The following ZNF766 variants were observed in gnomAD, a reference collection of about 807,000 sequenced individuals.
The protein encoded by ZNF766 is zinc finger protein 766.
Under a neutral mutation model 13.2 loss-of-function variants are expected in ZNF766, and 13 were observed. The ratio of observed to expected loss-of-function variants is 0.98; its 90% CI spans 0.64 to 1.56. The LOEUF is 1.56. ZNF766 is among the 40% of genes most tolerant of loss of function. The pLI, the probability that ZNF766 is intolerant of heterozygous loss-of-function variation, is 0.00. For synonymous variants in ZNF766, 178 were observed against 187.6 expected, an observed-to-expected ratio of 0.95 and a Z score of 0.42; for missense variants, 521 against 552.2, an observed-to-expected ratio of 0.94 and a Z score of 0.57.
Position 52,292,067 on chromosome 19 carries a change from A to T in ZNF766, c.*869A>T. 1.4e-6 allele frequency: 1 copy of T among 690,408 alleles called. No homozygotes were observed. Among genetic ancestry groups the T allele is most frequent in the Non-Finnish European group, 2.6e-6 (1 of 379,618 alleles). The allele number at this position is 690,408 out of a possible 1,614,324, so 42.8% of individuals were successfully genotyped here. A position where few individuals can be genotyped will look rare whatever the true frequency, so the allele number is the denominator to read the frequency against. On this transcript the variant is annotated 3_prime_UTR_variant, in exon 4 of 4. Transcript: ENST00000439461. ...ACTCCAGCTTGGGTGACAGAGCGAGACCCTGTCTCAAAAGAAAAAAAAGGC... is the reference window on the plus strand; with the variant it reads ...ACTCCAGCTTGGGTGACAGAGCGAGTCCCTGTCTCAAAAGAAAAAAAAGGC...
At chr19:52,272,421 C>T (rs898044338) in intron 1 of ZNF766, among the ~76,000 whole-genome samples, 1 of 152,110 alleles carries the variant, frequency 6.6e-6, no homozygotes, top group African/African-American at 2.4e-5. Flanking sequence ...TCTCCTGAAG[C>T]TGTCTTCTCT....
chr19:52,290,838 C>T lies in ZNF766; in HGVS notation c.1047C>T (p.His349=), dbSNP rs1461484462. 1.9e-6 allele frequency: 3 copies of T among 1,614,026 alleles called. No individual in the cohort carries two copies. The highest frequency in any genetic ancestry group is 2.5e-6 in the Non-Finnish European group (3 of 1,179,958). The stretch of plus-strand genomic sequence containing the variant: ...GCCTCACCACCCATCTGTTAATCCA[C>T]ACTGGAGAGAAACCTTACAAATGTA... ...HSSLTTHLLI[H]TGEKPYKCKE... The change falls in exon 4 of 4, where the codon CAC becomes CAT. Residue 349 remains histidine (H), a synonymous_variant. Coordinates refer to ENST00000439461, the MANE Select transcript of ZNF766 (RefSeq NM_001010851.3).
rs1982308532 is a variant in ZNF766 at position 52,295,488 on chromosome 19, T to G, written c.*4290T>G. On this transcript the variant is annotated 3_prime_UTR_variant, in exon 4 of 4. Coordinates refer to ENST00000439461, the MANE Select transcript of ZNF766 (RefSeq NM_001010851.3). ...GCATGAGCCACCATGCCCGGCCAGA[T>G]GCTATGCTTAATACATTTTTTCCGA... 6.6e-6 allele frequency: 1 copy of G among 152,270 alleles called. No homozygotes were observed. Among genetic ancestry groups the G allele is most frequent in the East Asian group, 1.9e-4 (1 of 5,202 alleles). 9.4% of individuals were successfully genotyped at this position (152,270 alleles called of 1,614,324 possible).
chr19:52,291,146 C>G lies in ZNF766; in HGVS notation c.1355C>G (p.Ser452Ter). Residue 452 changes from serine (S) to a stop codon, truncating the protein, a stop_gained, in exon 4 of 4, where the codon TCA (serine) becomes TGA (stop). Coordinates refer to ENST00000439461, the MANE Select transcript of ZNF766 (RefSeq NM_001010851.3). LOFTEE classifies it low-confidence loss of function (END_TRUNC). ...TGTGGTAAGGTCTTTAGGCACAGTTCATGGTTTGTACAGCATCAGAGAAGT... is the reference window on the plus strand; with the variant it reads ...TGTGGTAAGGTCTTTAGGCACAGTTGATGGTTTGTACAGCATCAGAGAAGT... ...HVCGKVFRHS[S>*]WFVQHQRSVH... The G allele has an allele frequency of 1.9e-6, 3 of 1,610,914 alleles. No individual in the cohort carries two copies. The highest frequency in any genetic ancestry group is 2.5e-6 in the Non-Finnish European group (3 of 1,178,230).
rs1982269839 is a variant in ZNF766, at chr19:52,294,436, A to G, written c.*3238A>G. 6.6e-6 allele frequency: 1 copy of G among 152,194 alleles called. No individual in the cohort carries two copies. The highest frequency in any genetic ancestry group is 2.1e-4 in the South Asian group (1 of 4,832). The allele number at this position is 152,194 out of a possible 1,614,324, so 9.4% of individuals were successfully genotyped here. ...TGATGCCATTCACTAATGTGATCTC[A>G]AAATGTTTACTCCATAATGAGGCTT... On this transcript the variant is annotated 3_prime_UTR_variant, in exon 4 of 4. Transcript: ENST00000439461.
At position 52,290,641 on chromosome 19, in the gene ZNF766, A is replaced by G. The variant is rs1982088687; in HGVS notation, c.850A>G (p.Thr284Ala). The G allele has an allele frequency of 1.2e-6, 2 of 1,613,894 alleles. No individual in the cohort carries two copies. The highest frequency in any genetic ancestry group is 2.2e-5 in the East Asian group (1 of 44,866). ...NECGKVFSRI[T>A]YLVRHQKIHT... The stretch of plus-strand genomic sequence containing the variant: ...GTGTGGCAAGGTCTTCAGTCGAATT[A>G]CATACCTTGTACGACATCAGAAAAT... The change falls in exon 4 of 4, where the codon ACA (threonine) becomes GCA (alanine). Residue 284 changes from threonine (T) to alanine (A), a missense_variant. By Grantham distance (58) the Thr-to-Ala change is moderately conservative. Coordinates refer to ENST00000439461, the MANE Select transcript of ZNF766 (RefSeq NM_001010851.3).
chr19:52,283,191 A>G (rs1427258393), intron 2 of ZNF766, 94 bp from the exon 3 acceptor site: 1 of 1,468,416 alleles, frequency 6.8e-7, no homozygotes, highest in Non-Finnish European at 9.1e-7. Context: ...CTGGCTTTAA[A>G]GGATTAATTT....
chr19:52,291,996 C>T lies in ZNF766; in HGVS notation c.*798C>T, dbSNP rs558707581. ...CCGAGGCAAGAGGATTGCTCAAGCC[C>T]AGGAGTTTGAGAGTTTGAGCAGTGA... On this transcript the variant is annotated 3_prime_UTR_variant, in exon 4 of 4. Coordinates refer to ENST00000439461, the MANE Select transcript of ZNF766 (RefSeq NM_001010851.3). The T allele has an allele frequency of 1.7e-6, 1 of 590,668 alleles. No individual in the cohort carries two copies. Among genetic ancestry groups the T allele is most frequent in the East Asian group, 2.8e-5 (1 of 35,198 alleles). The allele number at this position is 590,668 out of a possible 1,614,324, so 36.6% of individuals were successfully genotyped here. A position where few individuals can be genotyped will look rare whatever the true frequency, so the allele number is the denominator to read the frequency against.
chr19:52,291,201 T>C lies in ZNF766; in HGVS notation c.*3T>C. 2 of 1,551,512 alleles carry C rather than the reference T, an allele frequency of 1.3e-6. No individual in the cohort carries two copies. The highest frequency in any genetic ancestry group is 1.7e-6 in the Non-Finnish European group (2 of 1,151,604). ...ATGAGAGAGTCCTTACAAACTGAGT[T>C]TGGCAAACTCTATCATAAGTTCTAG... On this transcript the variant is annotated 3_prime_UTR_variant, in exon 4 of 4. Coordinates refer to ENST00000439461, the MANE Select transcript of ZNF766 (RefSeq NM_001010851.3).
intron 1 of ZNF766, among the ~76,000 whole-genome samples, chr19:52,276,371 T>C (rs1981201415): frequency 6.6e-6 from 1 of 152,230 alleles, no homozygotes; most frequent in Non-Finnish European, 1.5e-5. Context: ...TGCTATTTTA[T>C]ATTGGTATAT....
intron 1 of ZNF766, among the ~76,000 whole-genome samples, chr19:52,278,606 G>A (rs1981332145): frequency 6.6e-6 from 1 of 152,014 alleles, no homozygotes; most frequent in African/African-American, 2.4e-5. Flanking sequence ...GCTTCACCAT[G>A]GTGGCCAGGC....
At chr19:52,276,177 C>G (rs761185978) in intron 1 of ZNF766, among the ~76,000 whole-genome samples, 2 of 152,110 alleles carry the variant, frequency 1.3e-5, no homozygotes, top group African/African-American at 4.8e-5. Flanking sequence ...TCTGAAAATG[C>G]GTTTCTCAGA....
chr19:52,289,993 T>TC (rs1170659075), intron 3 of ZNF766, 73 bp from the exon 4 acceptor site: 17 of 1,494,018 alleles, frequency 1.1e-5, no homozygotes, highest in South Asian at 1.4e-5. Context: ...AAAGCCAGAC[T>TC]CCAACTCAAA....
chr19:52,270,884 A>T (rs573225400), intron 1 of ZNF766, among the ~76,000 whole-genome samples: 4 of 152,284 alleles, frequency 2.6e-5, no homozygotes, highest in Admixed American at 2.6e-4. Flanking sequence ...TCCTGAGTTC[A>T]AGCGATTCTC....
intron 2 of ZNF766, 68 bp from the exon 3 acceptor site, chr19:52,283,217 C>G: frequency 1.9e-6 from 3 of 1,541,604 alleles, no homozygotes; most frequent in Non-Finnish European, 2.6e-6. Context: ...ATCATCTCTG[C>G]TGCCTAAACA....
chr19:52,270,655 A>C (rs1423547421), intron 1 of ZNF766, among the ~76,000 whole-genome samples: 1 of 152,096 alleles, frequency 6.6e-6, no homozygotes, highest in Admixed American at 6.6e-5. Context: ...GGCGTGACAG[A>C]GAAGAGGGAA....
rs1246039779 is a variant in ZNF766 at position 52,294,311 on chromosome 19, AT to A, written c.*3117del. ...TTGGTAGATTAACTAGAAACTTCAC[AT>A]TTTCACCCTTATAACCTTTTTGGTA... is the stretch of plus-strand genomic sequence containing the variant. On this transcript the variant is annotated 3_prime_UTR_variant, in exon 4 of 4. Transcript: ENST00000439461. The A allele has an allele frequency of 2.6e-5, 4 of 152,282 alleles. No homozygotes were observed. Among genetic ancestry groups the A allele is most frequent in the Admixed American group, 2.0e-4 (3 of 15,296 alleles). The allele number at this position is 152,282 out of a possible 1,614,324, so 9.4% of individuals were successfully genotyped here.
In ZNF766 at chr19:52,292,516, G is replaced by A. The variant is rs879601230; in HGVS notation, c.*1318G>A. ...TGGTGGCCACCGTCTCCATTGAATAGCAATAGCTGCTGTTTAGCAAAGACT... is the reference window on the plus strand; with the variant it reads ...TGGTGGCCACCGTCTCCATTGAATAACAATAGCTGCTGTTTAGCAAAGACT... On this transcript the variant is annotated 3_prime_UTR_variant, in exon 4 of 4. Coordinates refer to ENST00000439461, the MANE Select transcript of ZNF766 (RefSeq NM_001010851.3). 2.2e-5 allele frequency: 6 copies of A among 267,754 alleles called. No individual in the cohort carries two copies. In the East Asian group the frequency reaches 3.2e-4, roughly 14 times the overall value. 16.6% of individuals were successfully genotyped at this position (267,754 alleles called of 1,614,324 possible).
chr19:52,271,876 C>T (rs972205520), intron 1 of ZNF766, among the ~76,000 whole-genome samples: 1 of 149,146 alleles, frequency 6.7e-6, no homozygotes, highest in African/African-American at 2.5e-5. Flanking sequence ...AGGAGAGTCA[C>T]TTGAACCCAG....
Sources: gnomAD v4.1 joint callset for allele counts (sites outside exome capture counted in the v4.1 genomes callset) on GRCh38, gnomAD v4.1.1 for gene constraint, MANE v1.5 for transcripts, NCBI Gene and HGNC (gene_info 2026-07-23, HGNC 2026-07-21) for gene names.